The following SRRD variants were observed in gnomAD, a reference collection of about 807,000 sequenced individuals.
The protein encoded by SRRD is SRR1-like protein.
In SRRD, 28 loss-of-function variants were observed where a neutral mutation model predicts 30.7. The ratio of observed to expected loss-of-function variants is 0.91; its 90% CI spans 0.68 to 1.25. The LOEUF (loss-of-function observed/expected upper bound fraction) is 1.25. Among genes scored for constraint, SRRD ranks in the 50% most tolerant of loss-of-function variants. The probability of loss-of-function intolerance (pLI) is 0.00; values close to 1 mark genes in which losing one functional copy is unlikely to be tolerated. For missense variants in SRRD, 415 were observed against 417.3 expected (o/e 0.99, Z 0.05); for synonymous variants, 161 against 159.6 (o/e 1.01, Z -0.07).
rs758506991 is a variant in SRRD at position 26,492,272 on chromosome 22, C to G, written c.*600C>G. 2.5e-6 allele frequency: 4 copies of G among 1,614,214 alleles called. No individual in the cohort carries two copies. The highest frequency in any genetic ancestry group is 8.5e-7 in the Non-Finnish European group (1 of 1,180,042). Reference sequence around the variant, plus strand: ...CCTCTGAGCCATGTTCTCAGCCTCCCGCCTCTCCTGCATGGCCTCGTACTG... The same window carrying G: ...CCTCTGAGCCATGTTCTCAGCCTCCGGCCTCTCCTGCATGGCCTCGTACTG... On this transcript the variant is annotated 3_prime_UTR_variant, in exon 7 of 7. Transcript: ENST00000215917.
chr22:26,490,558 G>C (rs1464129508), intron 5 of SRRD, among the ~76,000 whole-genome samples: 3 of 25,708 alleles, frequency 1.2e-4, no homozygotes, highest in African/African-American at 1.9e-4. Flanking sequence ...TGGAATATTT[G>C]CTTTTTTTTT....
chr22:26,487,526 ATT>A (rs372169325), intron 2 of SRRD, among the ~76,000 whole-genome samples: 1 of 151,508 alleles, frequency 6.6e-6, no homozygotes, highest in Non-Finnish European at 1.5e-5. Flanking sequence ...CGCCTGACTA[ATT>A]TTTTGTATTT....
chr22:26,488,533 C>A, intron 4 of SRRD, 45 bp downstream of exon 4: 1 of 1,440,754 alleles, frequency 6.9e-7, no homozygotes, highest in Non-Finnish European at 9.8e-7. Flanking sequence ...AAAATCCTGA[C>A]CAGACTCACC....
In SRRD at chr22:26,494,266, C is replaced by T. The variant is rs148911336; in HGVS notation, c.*2594C>T. On this transcript the variant is annotated 3_prime_UTR_variant, in exon 7 of 7. Coordinates refer to ENST00000215917, the MANE Select transcript of SRRD (RefSeq NM_001013694.3). ...AACCCAGGTACCACTTGGTGATCTC[C>T]TCATAATTTGGGCTGTTACTGAGCC... 2 of 1,614,108 alleles carry T rather than the reference C, an allele frequency of 1.2e-6. No individual in the cohort carries two copies. The highest frequency in any genetic ancestry group is 1.3e-5 in the African/African-American group (1 of 74,934).
chr22:26,484,237 C>T, intron 1 of SRRD, 138 bp downstream of exon 1: 1 of 961,752 alleles, frequency 1.0e-6, no homozygotes, highest in East Asian at 3.1e-5. Flanking sequence ...GTAACGAGCT[C>T]ATTAAAGATG....
At chr22:26,485,816 T>A (rs1274631985) in intron 1 of SRRD, among the ~76,000 whole-genome samples, 3 of 152,182 alleles carry the variant, frequency 2.0e-5, no homozygotes, top group African/African-American at 7.2e-5. Flanking sequence ...TCCAGCATAC[T>A]CTCTCCTGCA....
chr22:26,484,926 C>G (rs1311830559), intron 1 of SRRD, among the ~76,000 whole-genome samples: 1 of 152,190 alleles, frequency 6.6e-6, no homozygotes, highest in African/African-American at 2.4e-5. Context: ...AGGGCCGTCA[C>G]AAGGGGAGAA....
chr22:26,489,894 A>C (rs1002755644), intron 4 of SRRD, 150 bp from the exon 5 acceptor site: 13 of 753,198 alleles, frequency 1.7e-5, no homozygotes, highest in African/African-American at 3.5e-5. Flanking sequence ...TATAGATTTC[A>C]TATACGAGTG....
intron 1 of SRRD, among the ~76,000 whole-genome samples, chr22:26,484,766 C>T (rs1353223430): frequency 6.6e-6 from 1 of 152,158 alleles, no homozygotes; most frequent in Non-Finnish European, 1.5e-5. Context: ...TTGCTCTGTA[C>T]CTTAGAAAGT....
At chr22:26,488,540 C>T (rs2091725939) in intron 4 of SRRD, 52 bp downstream of exon 4, 3 of 1,379,454 alleles carry the variant, frequency 2.2e-6, no homozygotes, top group South Asian at 1.2e-5. Flanking sequence ...TGACCAGACT[C>T]ACCCCAGGCC....
chr22:26,491,285 A>T, intron 6 of SRRD, 178 bp from the exon 7 acceptor site: 1 of 705,976 alleles, frequency 1.4e-6, no homozygotes, highest in Non-Finnish European at 2.4e-6. Flanking sequence ...ACAGTCCATG[A>T]TATCCACTGT....
In SRRD at chr22:26,492,510, G is replaced by A. The variant is rs1921349156; in HGVS notation, c.*838G>A. 14 of 722,622 alleles carry A rather than the reference G, an allele frequency of 1.9e-5. No homozygotes were observed. In the South Asian group the frequency reaches 2.0e-4, roughly 10 times the overall value. The allele number at this position is 722,622 out of a possible 1,614,324, so 44.8% of individuals were successfully genotyped here. A position where few individuals can be genotyped will look rare whatever the true frequency, so the allele number is the denominator to read the frequency against. ...AGCTCTGCCTCAAAGATACAACTTT[G>A]GAGGAAGTTTAGACGACTGGCCAGT... On this transcript the variant is annotated 3_prime_UTR_variant, in exon 7 of 7. Transcript: ENST00000215917.
rs1471416842 is a variant in SRRD, at chr22:26,488,440, A to G, written c.561A>G (p.Glu187=). ...WVYDPLFSQL[E]IEVLNTLGVT... ...ATGACCCTCTGTTTAGCCAACTTGA[A>G]ATTGAAGTCCTTAACACCCTTGGTG... Residue 187 remains glutamate (E), a synonymous_variant, in exon 4 of 7, where the codon GAA becomes GAG. Coordinates refer to ENST00000215917, the MANE Select transcript of SRRD (RefSeq NM_001013694.3). 1.9e-6 allele frequency: 3 copies of G among 1,614,182 alleles called. No individual in the cohort carries two copies. The highest frequency in any genetic ancestry group is 2.2e-5 in the East Asian group (1 of 44,882).
chr22:26,490,973 C>T, intron 5 of SRRD, 52 bp from the exon 6 acceptor site: 8 of 1,502,262 alleles, frequency 5.3e-6, no homozygotes, highest in African/African-American at 1.4e-5. Context: ...ATCCTCATAC[C>T]TCCTAATCAT....
chr22:26,491,487 G>T lies in SRRD; in HGVS notation c.835G>T (p.Glu279Ter). The change falls in exon 7 of 7, where the codon GAG becomes TAG. Residue 279 changes from glutamate (E) to a stop codon, truncating the protein, a stop_gained. Coordinates refer to ENST00000215917, the MANE Select transcript of SRRD (RefSeq NM_001013694.3). LOFTEE classifies it low-confidence loss of function (END_TRUNC). The part of the protein sequence containing the change: ...AKILKGLEEL[E>*]FPQTSQYMDI... ...GATTTTAAAAGGACTGGAGGAGCTT[G>T]AGTTTCCTCAGACTTCACAATACAT... 1 of 1,613,550 alleles carries T rather than the reference G, an allele frequency of 6.2e-7. No individual in the cohort carries two copies. The highest frequency in any genetic ancestry group is 8.5e-7 in the Non-Finnish European group (1 of 1,179,954).
At position 26,491,062 on chromosome 22, in the gene SRRD, A is replaced by G. The variant is rs1270696910; in HGVS notation, c.802A>G (p.Ile268Val). 2.5e-6 allele frequency: 4 copies of G among 1,611,988 alleles called. No homozygotes were observed. Among genetic ancestry groups the G allele is most frequent in the African/African-American group, 2.7e-5 (2 of 74,472 alleles). ...ARILQKNYPY[I>V]AKILKGLEEL... The stretch of plus-strand genomic sequence containing the variant: ...GATTCTGCAGAAAAATTATCCCTAC[A>G]TTGCAAAGGTATCTATCTGAATAAA... Residue 268 changes from isoleucine (I) to valine (V), a missense_variant, in exon 6 of 7, where the codon ATT becomes GTT. Coordinates refer to ENST00000215917, the MANE Select transcript of SRRD (RefSeq NM_001013694.3).
chr22:26,486,914 CTTTT>C (rs57889671), intron 2 of SRRD, among the ~76,000 whole-genome samples: 58 of 128,872 alleles, frequency 4.5e-4, no homozygotes, highest in African/African-American at 8.3e-4. Flanking sequence ...GTCTTTGCTG[CTTTT>C]TTTTTTTTTT....
rs752554199 is a variant in SRRD at position 26,483,955 on chromosome 22, C to T, written c.65C>T (p.Ser22Phe). 14 of 1,343,442 alleles carry T rather than the reference C, an allele frequency of 1.0e-5. No individual in the cohort carries two copies. Among genetic ancestry groups the T allele is most frequent in the South Asian group, 7.0e-5 (4 of 57,116 alleles). 83.2% of individuals were successfully genotyped at this position (1,343,442 alleles called of 1,614,324 possible). The part of the protein sequence containing the change: ...WQAAAPRKRR[S>F]AARRPRRREA... ...GCGGCGGCTCCGCGGAAGAGGCGCT[C>T]CGCGGCTCGACGGCCGCGGCGGAGG... Residue 22 changes from serine to phenylalanine, a missense_variant, in exon 1 of 7, where the codon TCC becomes TTC. Physicochemically the swap from Ser to Phe is radical, Grantham distance 155 (BLOSUM62 -2). Transcript: ENST00000215917.
chr22:26,490,531 GA>G (rs1921018110), intron 5 of SRRD, among the ~76,000 whole-genome samples: 1 of 133,364 alleles, frequency 7.5e-6, no homozygotes, highest in Non-Finnish European at 1.6e-5. Flanking sequence ...TTCTCTTGAT[GA>G]AATGGGCACA....
Sources: gnomAD v4.1 joint callset for allele counts (sites outside exome capture counted in the v4.1 genomes callset) on GRCh38, gnomAD v4.1.1 for gene constraint, MANE v1.5 for transcripts, NCBI Gene and HGNC (gene_info 2026-07-23, HGNC 2026-07-21) for gene names.